Variants in HS6ST3 observed in about 807,000 individuals in gnomAD.
HS6ST3 encodes heparan sulfate 6-O-sulfotransferase 3.
Under a neutral mutation model 36.7 loss-of-function variants are expected in HS6ST3, and 12 were observed. The ratio of observed to expected loss-of-function variants is 0.33; its 90% CI spans 0.21 to 0.53. The LOEUF (loss-of-function observed/expected upper bound fraction) is 0.53. Among genes scored for constraint, HS6ST3 ranks in the 20% least tolerant of loss-of-function variants. HS6ST3 has a pLI of 0.95. For synonymous variants in HS6ST3, 240 were observed against 257.5 expected (o/e 0.93, Z 0.65); for missense variants, 584 against 640.9 (o/e 0.91, Z 0.96).
At chr13:96,341,502 A>C (rs4771934) in intron 1 of HS6ST3, among the ~76,000 whole-genome samples, 71,993 of 151,856 alleles carry the variant, frequency 0.47, 17,443 homozygotes, top group African/African-American at 0.56. Context: ...GTGAAGGGCC[A>C]ACTCTAACAA....
At chr13:96,125,764 A>AT (rs200365476) in intron 1 of HS6ST3, among the ~76,000 whole-genome samples, 2 of 150,764 alleles carry the variant, frequency 1.3e-5, no homozygotes, top group African/African-American at 4.9e-5. Flanking sequence ...TTTTTCTTCC[A>AT]TTTTTTTATT....
At chr13:96,714,069 A>G (rs944693975) in intron 1 of HS6ST3, among the ~76,000 whole-genome samples, 7 of 152,180 alleles carry the variant, frequency 4.6e-5, no homozygotes, top group Non-Finnish European at 1.0e-4. Flanking sequence ...TGAAAATGAA[A>G]AAGTTTAACA....
chr13:96,298,755 T>C (rs188317950), intron 1 of HS6ST3, among the ~76,000 whole-genome samples: 2 of 152,328 alleles, frequency 1.3e-5, no homozygotes, highest in Admixed American at 1.3e-4. Context: ...CTGTGTCCTC[T>C]GCCTATTTTA....
At chr13:96,678,100 G>T (rs958825938) in intron 1 of HS6ST3, among the ~76,000 whole-genome samples, 2 of 152,066 alleles carry the variant, frequency 1.3e-5, no homozygotes, top group African/African-American at 4.8e-5. Flanking sequence ...TTATTCCCTG[G>T]CAGAAAGTGG....
intron 1 of HS6ST3, among the ~76,000 whole-genome samples, chr13:96,137,837 G>T (rs579606): frequency 0.87 from 131,988 of 151,850 alleles, 57,525 homozygotes; most frequent in East Asian, 0.91. Context: ...TTTAAAGAAT[G>T]TTGAATTCTT....
chr13:96,807,895 G>A, intron 1 of HS6ST3, among the ~76,000 whole-genome samples: 1 of 151,016 alleles, frequency 6.6e-6, no homozygotes. Context: ...TAGCATTATA[G>A]ATGTGAGACT....
chr13:96,468,598 G>A (rs950877378), intron 1 of HS6ST3, among the ~76,000 whole-genome samples: 1 of 152,050 alleles, frequency 6.6e-6, no homozygotes, highest in Non-Finnish European at 1.5e-5. Context: ...TTGCAGGGCT[G>A]TGGTTGAATT....
intron 1 of HS6ST3, among the ~76,000 whole-genome samples, chr13:96,302,613 A>G (rs1285198409): frequency 1.3e-5 from 2 of 152,180 alleles, no homozygotes; most frequent in African/African-American, 4.8e-5. Flanking sequence ...TAATGACTAT[A>G]AGGACAACAC....
At chr13:96,503,223 C>T (rs758159240) in intron 1 of HS6ST3, among the ~76,000 whole-genome samples, 1 of 152,134 alleles carries the variant, frequency 6.6e-6, no homozygotes, top group Non-Finnish European at 1.5e-5. Context: ...TCCTCCTTCT[C>T]CTTCCTCTTC....
chr13:96,526,031 C>T (rs1424087165), intron 1 of HS6ST3, among the ~76,000 whole-genome samples: 1 of 152,128 alleles, frequency 6.6e-6, no homozygotes, highest in African/African-American at 2.4e-5. Context: ...CAGTAGGTTA[C>T]TGAGTTGAAT....
intron 1 of HS6ST3, among the ~76,000 whole-genome samples, chr13:96,785,795 C>T (rs1296662878): frequency 6.6e-6 from 1 of 152,128 alleles, no homozygotes; most frequent in Non-Finnish European, 1.5e-5. Flanking sequence ...TACTATGGAA[C>T]CTGCACAATT....
intron 1 of HS6ST3, among the ~76,000 whole-genome samples, chr13:96,503,181 A>G (rs920744987): frequency 6.6e-6 from 1 of 152,094 alleles, no homozygotes; most frequent in Non-Finnish European, 1.5e-5. Flanking sequence ...TGAAATAGAG[A>G]TAATTTGGGA....
chr13:96,113,251 AGGTC>A (rs1419019835), intron 1 of HS6ST3, among the ~76,000 whole-genome samples: 1 of 152,184 alleles, frequency 6.6e-6, no homozygotes, highest in African/African-American at 2.4e-5. Flanking sequence ...AGCCTCCTCA[AGGTC>A]ACAGACTATC....
At position 96,775,721 on chromosome 13, in the gene HS6ST3, C is replaced by T. The variant is rs1197874782; in HGVS notation, c.708-56769C>T. 2.0e-5 allele frequency among the ~76,000 whole-genome samples: 3 copies of T among 152,148 alleles called. No homozygotes were observed. In the East Asian group the frequency reaches 5.8e-4, roughly 29 times the overall value. Reference sequence around the variant, plus strand: ...TTACGTACCTACAAAGAGACTTAGACTCCCACACAATAATAGTGGGAGAAC... The same window carrying T: ...TTACGTACCTACAAAGAGACTTAGATTCCCACACAATAATAGTGGGAGAAC... On this transcript the variant is annotated intron_variant, in intron 1 of 1. Transcript: ENST00000376705.
At chr13:96,726,689 T>G (rs1594846047) in intron 1 of HS6ST3, among the ~76,000 whole-genome samples, 1 of 152,228 alleles carries the variant, frequency 6.6e-6, no homozygotes, top group African/African-American at 2.4e-5. Flanking sequence ...TGGCAAACCA[T>G]ATTGCCCTCT....
chr13:96,514,873 A>C lies in HS6ST3; in HGVS notation c.708-317617A>C, dbSNP rs1357285719. The stretch of plus-strand genomic sequence containing the variant: ...AGTTAAATTTAAGATACTCTTAGGC[A>C]TGCAAGTGATTGTCTGGTAGCAAGC... On this transcript the variant is annotated intron_variant, in intron 1 of 1. Transcript: ENST00000376705. Among the ~76,000 whole-genome samples, 4 of 152,234 alleles carry C rather than the reference A, an allele frequency of 2.6e-5. No homozygotes were observed. The East Asian group carries it at 7.7e-4, about 29-fold the overall frequency.
chr13:96,722,259 C>T (rs150754305), intron 1 of HS6ST3, among the ~76,000 whole-genome samples: 28 of 151,412 alleles, frequency 1.8e-4, no homozygotes, highest in African/African-American at 5.8e-4. Flanking sequence ...AGCGAGATTC[C>T]GTCTAAAAAA....
intron 1 of HS6ST3, among the ~76,000 whole-genome samples, chr13:96,243,702 A>C (rs1273836009): frequency 6.6e-6 from 1 of 152,190 alleles, no homozygotes; most frequent in Non-Finnish European, 1.5e-5. Context: ...ACATCTTTAC[A>C]TGCAAATTAA....
At chr13:96,605,172 G>C (rs1027365909) in intron 1 of HS6ST3, among the ~76,000 whole-genome samples, 6 of 152,082 alleles carry the variant, frequency 3.9e-5, no homozygotes, top group African/African-American at 1.4e-4. Context: ...TAGGACCTGA[G>C]GGTATTCTTA....
Sources: allele counts gnomAD v4.1 joint callset (sites outside exome capture counted in the v4.1 genomes callset), GRCh38; gene constraint gnomAD v4.1.1; transcripts MANE v1.5; gene names NCBI Gene and HGNC (gene_info 2026-07-23, HGNC 2026-07-21).